Variants in STX17 observed in about 807,000 individuals in gnomAD.
STX17 encodes syntaxin 17, also known as syntaxin-17.
In STX17, 29 loss-of-function variants were observed where a neutral mutation model predicts 35.9. The ratio of observed to expected loss-of-function variants is 0.81; its 90% CI spans 0.60 to 1.10. The LOEUF (loss-of-function observed/expected upper bound fraction) is 1.10, where lower values mean the gene tolerates loss of function less well. Ranked by LOEUF, STX17 falls within the 50% of genes least tolerant of loss-of-function variation. The pLI, the probability that STX17 is intolerant of heterozygous loss-of-function variation, is 0.00. For missense variants in STX17, 312 were observed against 352.3 expected (o/e 0.89, Z 0.92); for synonymous variants, 92 against 118.3 (o/e 0.78, Z 1.44).
At chr9:99,913,560 A>T (rs1031465211) in intron 1 of STX17, among the ~76,000 whole-genome samples, 1 of 152,068 alleles carries the variant, frequency 6.6e-6, no homozygotes, top group Non-Finnish European at 1.5e-5. Context: ...TTGGAATAGA[A>T]TGTTTTTGGA....
At chr9:99,929,885 T>C (rs192285053) in intron 3 of STX17, 27 of 151,222 alleles carry the variant, frequency 1.8e-4, no homozygotes, top group African/African-American at 6.5e-4. Flanking sequence ...TGTCACATGC[T>C]GTCAGTAATA....
rs114040691 is a variant in STX17, at chr9:99,941,489, T to A, written c.190-9571T>A. ...TTTATTGTGAAATATAATTTACGTA[T>A]TCTAAAAAATGCCTAAAATATAAAT... On this transcript the variant is annotated intron_variant, in intron 3 of 7. Coordinates refer to ENST00000259400, the MANE Select transcript of STX17 (RefSeq NM_017919.3). Among the ~76,000 whole-genome samples, 955 of 152,312 alleles carry A rather than the reference T, an allele frequency of 6.3e-3. 8 individuals carry two copies. The highest frequency in any genetic ancestry group is 0.021 in the African/African-American group (880 of 41,564).
chr9:99,913,785 A>T (rs1466974986), intron 1 of STX17, among the ~76,000 whole-genome samples: 1 of 152,000 alleles, frequency 6.6e-6, no homozygotes, highest in Non-Finnish European at 1.5e-5. Flanking sequence ...TGAGCCTTGT[A>T]TCAAACATAA....
intron 2 of STX17, among the ~76,000 whole-genome samples, chr9:99,917,137 T>C (rs1828793101): frequency 6.6e-6 from 1 of 152,218 alleles, no homozygotes; most frequent in South Asian, 2.1e-4. Context: ...TTTTAGACAG[T>C]ATCAGAATAA....
At chr9:99,947,539 G>A (rs1829508678) in intron 3 of STX17, among the ~76,000 whole-genome samples, 2 of 152,230 alleles carry the variant, frequency 1.3e-5, no homozygotes, top group Admixed American at 6.5e-5. Flanking sequence ...TGAAGCTAGG[G>A]ATGATGTTAT....
At position 99,971,336 on chromosome 9, in the gene STX17, G is replaced by A. The variant is rs966625216; in HGVS notation, c.*2663G>A. 2.0e-5 allele frequency among the ~76,000 whole-genome samples: 3 copies of A among 149,876 alleles called. No individual in the cohort carries two copies. The highest frequency in any genetic ancestry group is 7.4e-5 in the African/African-American group (3 of 40,808). ...TCTGAGAATTTCTCTGTAGAGCAGA[G>A]ACTTTCAAACCTTTTGGCTGTAACC... On this transcript the variant is annotated 3_prime_UTR_variant, in exon 8 of 8. Coordinates refer to ENST00000259400, the MANE Select transcript of STX17 (RefSeq NM_017919.3).
At chr9:99,959,403 G>GA (rs567215766) in intron 4 of STX17, among the ~76,000 whole-genome samples, 15 of 130,928 alleles carry the variant, frequency 1.1e-4, no homozygotes, top group South Asian at 7.7e-4. Flanking sequence ...AAAAATTTTA[G>GA]AAAAAAAAAA....
chr9:99,932,990 A>G lies in STX17; in HGVS notation c.189+4147A>G, dbSNP rs145163178. Among the ~76,000 whole-genome samples the G allele has an allele frequency of 7.6e-3, 1,151 of 152,240 alleles. 15 individuals carry two copies. Among genetic ancestry groups the G allele is most frequent in the African/African-American group, 0.026 (1,099 of 41,572 alleles). On this transcript the variant is annotated intron_variant, in intron 3 of 7. Transcript: ENST00000259400. ...AAATTATCAATCTTTTATGGTTCCTACTTTGGCGGCTTGTTCAAGAAATCC... is the reference window on the plus strand; with the variant it reads ...AAATTATCAATCTTTTATGGTTCCTGCTTTGGCGGCTTGTTCAAGAAATCC...
chr9:99,916,500 A>C (rs1360060754), intron 2 of STX17, among the ~76,000 whole-genome samples: 2 of 151,514 alleles, frequency 1.3e-5, no homozygotes, highest in Admixed American at 6.6e-5. Context: ...TATGGTCATT[A>C]AGCCTTTCAA....
intron 3 of STX17, among the ~76,000 whole-genome samples, chr9:99,947,160 A>G (rs902344782): frequency 1.3e-5 from 2 of 151,986 alleles, no homozygotes; most frequent in African/African-American, 4.8e-5. Flanking sequence ...TCTTTTTTAC[A>G]TAGTTTCTTC....
At chr9:99,968,165 C>G (rs1373451042) in intron 7 of STX17, among the ~76,000 whole-genome samples, 2 of 152,168 alleles carry the variant, frequency 1.3e-5, no homozygotes, top group Non-Finnish European at 2.9e-5. Flanking sequence ...AATAAGCCAG[C>G]TAGATAGTTA....
rs568104445 is a variant in STX17 at position 99,958,852 on chromosome 9, A to G, written c.416-1065A>G. Among the ~76,000 whole-genome samples the G allele has an allele frequency of 3.3e-5, 5 of 152,350 alleles. No homozygotes were observed. In the East Asian group the frequency reaches 9.6e-4, roughly 29 times the overall value. Reference sequence around the variant, plus strand: ...ATCATCATAGCAGTGTTTAATGGGGAAAGTCCTACTGGGTTGACAACTTTT... The same window carrying G: ...ATCATCATAGCAGTGTTTAATGGGGGAAGTCCTACTGGGTTGACAACTTTT... On this transcript the variant is annotated intron_variant, in intron 4 of 7. Transcript: ENST00000259400.
In STX17 at chr9:99,922,033, T is replaced by C. The variant is rs1260110882; in HGVS notation, c.123+6671T>C. ...AATATCCACCCTATCATTTGTCACC[T>C]TTCAGACACTGTTTATTGCATAGCT... is the stretch of plus-strand genomic sequence containing the variant. On this transcript the variant is annotated intron_variant, in intron 2 of 7. Coordinates refer to ENST00000259400, the MANE Select transcript of STX17 (RefSeq NM_017919.3). Among the ~76,000 whole-genome samples, 18 of 152,162 alleles carry C rather than the reference T, an allele frequency of 1.2e-4. 1 individual carries two copies.
At position 99,968,792 on chromosome 9, in the gene STX17, A is replaced by G; in HGVS notation, c.*119A>G. 6.9e-7 allele frequency: 1 copy of G among 1,455,984 alleles called. No individual in the cohort carries two copies. 90.2% of individuals were successfully genotyped at this position (1,455,984 alleles called of 1,614,324 possible). A position where few individuals can be genotyped will look rare whatever the true frequency, so the allele number is the denominator to read the frequency against. The stretch of plus-strand genomic sequence containing the variant: ...TCAAGATAGTGGCTACTGATGTTCA[A>G]GTGGGATTGAAGTGTGATAAATGGA... On this transcript the variant is annotated 3_prime_UTR_variant, in exon 8 of 8. Transcript: ENST00000259400.
At chr9:99,923,631 T>C (rs938793918) in intron 2 of STX17, among the ~76,000 whole-genome samples, 1 of 152,170 alleles carries the variant, frequency 6.6e-6, no homozygotes, top group Non-Finnish European at 1.5e-5. Flanking sequence ...TCTGGTGCTG[T>C]CTACCTAGAG....
At position 99,972,203 on chromosome 9, in the gene STX17, C is replaced by T. The variant is rs921820016; in HGVS notation, c.*3530C>T. 6.6e-6 allele frequency among the ~76,000 whole-genome samples: 1 copy of T among 152,194 alleles called. No individual in the cohort carries two copies. Among genetic ancestry groups the T allele is most frequent in the Admixed American group, 6.5e-5 (1 of 15,274 alleles). On this transcript the variant is annotated 3_prime_UTR_variant, in exon 8 of 8. Transcript: ENST00000259400. ...CAAGAAAGAGTATTTCAATCCCATC[C>T]ACCTGCCTGCAAGATTTCTTAATGT... is the stretch of plus-strand genomic sequence containing the variant.
intron 6 of STX17, 70 bp from the exon 7 acceptor site, chr9:99,967,583 T>G (rs1044042772): frequency 9.2e-6 from 13 of 1,414,614 alleles, no homozygotes; most frequent in Non-Finnish European, 1.3e-5. Context: ...TTACAGGAAT[T>G]AAAATAGTGT....
At chr9:99,923,162 G>A (rs1009819344) in intron 2 of STX17, among the ~76,000 whole-genome samples, 6 of 151,512 alleles carry the variant, frequency 4.0e-5, no homozygotes, top group Non-Finnish European at 8.8e-5. Context: ...GGGAGTATAT[G>A]GGCAGGAATA....
intron 4 of STX17, among the ~76,000 whole-genome samples, chr9:99,954,689 G>A (rs1829672656): frequency 6.6e-6 from 1 of 152,026 alleles, no homozygotes; most frequent in African/African-American, 2.4e-5. Flanking sequence ...TAGAAGTTAA[G>A]TGCCTTAAAA....
Sources: gnomAD v4.1 joint callset for allele counts (sites outside exome capture counted in the v4.1 genomes callset) on GRCh38, gnomAD v4.1.1 for gene constraint, MANE v1.5 for transcripts, NCBI Gene and HGNC (gene_info 2026-07-23, HGNC 2026-07-21) for gene names.